DIP2C: variants seen among roughly 807,000 people sequenced by gnomAD.
DIP2C encodes disco-interacting protein 2 homolog C.
A neutral mutation model predicts 192.4 loss-of-function variants in DIP2C; 33 were observed. The ratio of observed to expected loss-of-function variants is 0.17; its 90% confidence interval spans 0.13 to 0.23. DIP2C has a LOEUF of 0.23. Ranked by LOEUF, DIP2C falls within the 10% of genes least tolerant of loss-of-function variation. The pLI is 1.00. For missense variants in DIP2C, 1,537 were observed against 2,110.1 expected, an observed-to-expected ratio of 0.73 and a Z score of 5.32; for synonymous variants, 979 against 864.1, an observed-to-expected ratio of 1.13 and a Z score of -2.33.
At chr10:379,291 G>A (rs921130477) in intron 17 of DIP2C, among the ~76,000 whole-genome samples, 1 of 148,342 alleles carries the variant, frequency 6.7e-6, no homozygotes, top group Non-Finnish European at 1.5e-5. Flanking sequence ...GGCTGCTGCT[G>A]CTCCCGGAAG....
intron 1 of DIP2C, among the ~76,000 whole-genome samples, chr10:531,825 G>C (rs1421176751): frequency 6.6e-6 from 1 of 152,214 alleles, no homozygotes; most frequent in African/African-American, 2.4e-5. Flanking sequence ...AGACACGCTG[G>C]GAGGAGCAGC....
intron 1 of DIP2C, among the ~76,000 whole-genome samples, chr10:558,410 T>G (rs1849022943): frequency 1.3e-5 from 2 of 152,118 alleles, no homozygotes; most frequent in South Asian, 4.1e-4. Context: ...CCAGACCTAA[T>G]CATCTCTATT....
At chr10:485,092 C>T (rs1462497736) in intron 2 of DIP2C, 12 of 1,107,030 alleles carry the variant, frequency 1.1e-5, no homozygotes, top group South Asian at 7.0e-5. Context: ...CCTCTGCGCC[C>T]GGCTAAGGCC....
rs1564684421 is a variant in DIP2C at position 417,634 on chromosome 10, TCGGATAGGCC to T, written c.739+1421_739+1430del. On this transcript the variant is annotated intron_variant, in intron 6 of 36. Coordinates refer to ENST00000280886, the MANE Select transcript of DIP2C (RefSeq NM_014974.3). ...CCTGTCTGCCTGCGCCTGTCAGGGC[TCGGATAGGCC>T]TCCCTGTCCACCTGTTCCTGTCAGG... is the stretch of plus-strand genomic sequence containing the variant. 2.6e-3 allele frequency among the ~76,000 whole-genome samples: 327 copies of T among 125,746 alleles called. 9 individuals are homozygous for T. In the Middle Eastern group the frequency reaches 0.033, roughly 13 times the overall value. The allele number at this position is 125,746 out of a possible 152,430, so 82.5% of individuals were successfully genotyped here.
chr10:337,073 T>TGTGG (rs374638763), intron 29 of DIP2C, among the ~76,000 whole-genome samples: 5 of 71,498 alleles, frequency 7.0e-5, no homozygotes, highest in Admixed American at 1.5e-4. Flanking sequence ...TGTGTGTGTG[T>TGTGG]TGTGGAGGCC....
intron 1 of DIP2C, among the ~76,000 whole-genome samples, chr10:512,812 G>C (rs900752471): frequency 1.3e-5 from 2 of 151,532 alleles, no homozygotes; most frequent in Admixed American, 1.3e-4. Context: ...TACTAGGGAG[G>C]CTGAGGGAGG....
chr10:607,654 G>A (rs1852593124), intron 1 of DIP2C, among the ~76,000 whole-genome samples: 1 of 152,076 alleles, frequency 6.6e-6, no homozygotes, highest in African/African-American at 2.4e-5. Flanking sequence ...AGCCCATCTC[G>A]GCCCAAACGA....
intron 17 of DIP2C, among the ~76,000 whole-genome samples, chr10:371,552 CAG>C (rs1960956713): frequency 6.6e-6 from 1 of 152,120 alleles, no homozygotes; most frequent in South Asian, 2.1e-4. Context: ...ACGATGGAGG[CAG>C]AGACTGGAGT....
chr10:417,901 G>A (rs867917441), intron 6 of DIP2C, among the ~76,000 whole-genome samples: 5 of 103,888 alleles, frequency 4.8e-5, no homozygotes, highest in African/African-American at 2.0e-4. Context: ...TCAGGGCTCG[G>A]ATAGGCCTCC....
intron 1 of DIP2C, among the ~76,000 whole-genome samples, chr10:628,473 C>T (rs1361236540): frequency 6.6e-6 from 1 of 152,366 alleles, no homozygotes; most frequent in East Asian, 1.9e-4. Flanking sequence ...TGGCAACGGG[C>T]ATCATGCCAG....
At chr10:334,285 T>C (rs1423752488) in intron 29 of DIP2C, among the ~76,000 whole-genome samples, 3 of 104,864 alleles carry the variant, frequency 2.9e-5, no homozygotes, top group African/African-American at 1.1e-4. Flanking sequence ...CCAGCCCGGG[T>C]GACAGAGCAA....
intron 3 of DIP2C, among the ~76,000 whole-genome samples, chr10:454,496 A>G (rs1969122801): frequency 6.6e-6 from 1 of 151,470 alleles, no homozygotes; most frequent in Non-Finnish European, 1.5e-5. Flanking sequence ...TTGCAATGAG[A>G]TATTCAGGGA....
At chr10:603,324 AAAAAAAAAACC>A (rs1168220873) in intron 1 of DIP2C, among the ~76,000 whole-genome samples, 129 of 139,466 alleles carry the variant, frequency 9.2e-4, no homozygotes, top group African/African-American at 3.4e-3. Context: ...AAAAAAAAAA[AAAAAAAAAACC>A]AACCATGAGA....
chr10:610,217 GA>G (rs981821362), intron 1 of DIP2C, among the ~76,000 whole-genome samples: 2 of 152,192 alleles, frequency 1.3e-5, no homozygotes, highest in African/African-American at 4.8e-5. Context: ...GCCAAGCACA[GA>G]AAGAAATGGT....
intron 2 of DIP2C, among the ~76,000 whole-genome samples, chr10:481,601 C>G (rs1843614432): frequency 6.6e-6 from 1 of 152,222 alleles, no homozygotes; most frequent in Non-Finnish European, 1.5e-5. Context: ...TTAATTAGCC[C>G]TTACATGTTA....
intron 1 of DIP2C, among the ~76,000 whole-genome samples, chr10:617,259 G>C (rs1472066211): frequency 2.6e-5 from 4 of 151,590 alleles, no homozygotes; most frequent in African/African-American, 9.7e-5. Flanking sequence ...TACAAACTTG[G>C]GGGACTGCAA....
chr10:650,807 T>C (rs1041318749), intron 1 of DIP2C: 2 of 690,634 alleles, frequency 2.9e-6, no homozygotes, highest in Admixed American at 4.3e-5. Context: ...TGATCCACCA[T>C]GGAACCCAGA....
chr10:566,895 T>TG (rs1849497024), intron 1 of DIP2C, among the ~76,000 whole-genome samples: 1 of 152,242 alleles, frequency 6.6e-6, no homozygotes, highest in Non-Finnish European at 1.5e-5. Context: ...AACCAAGGCT[T>TG]GGATGAGAGA....
intron 1 of DIP2C, among the ~76,000 whole-genome samples, chr10:562,875 G>A (rs76741969): frequency 0.03 from 4,590 of 152,326 alleles, 228 homozygotes; most frequent in African/African-American, 0.1. Context: ...GAGCTGCCAT[G>A]TGAGTGCCCC....
Sources: allele counts gnomAD v4.1 joint callset (sites outside exome capture counted in the v4.1 genomes callset), GRCh38; gene constraint gnomAD v4.1.1; transcripts MANE v1.5; gene names NCBI Gene and HGNC (gene_info 2026-07-23, HGNC 2026-07-21).